Variants in SHF observed in about 807,000 individuals in gnomAD.
SHF encodes the protein SH2 domain-containing adapter protein F.
A neutral mutation model predicts 42.4 loss-of-function variants in SHF; 30 were observed. That is an observed-to-expected ratio of 0.71 (90% CI 0.53 to 0.96). SHF has a LOEUF of 0.96. Among genes scored for constraint, SHF ranks in the 40% least tolerant of loss-of-function variants. SHF has a pLI of 0.00. For missense variants in SHF, 598 were observed against 634.0 expected, an observed-to-expected ratio of 0.94 and a Z score of 0.61; for synonymous variants, 264 against 269.9, an observed-to-expected ratio of 0.98 and a Z score of 0.21.
Position 45,181,877 on chromosome 15 carries a change from G to A in SHF, c.499-3571C>T, listed in dbSNP as rs185175885. On this transcript the variant is annotated intron_variant, in intron 1 of 6. Transcript: ENST00000690270. Reference sequence around the variant, plus strand: ...ATAAATAAATAAAAAATAAAACCACGGCTGGTATTTAGGCACATTCTCTGA... The same window carrying A: ...ATAAATAAATAAAAAATAAAACCACAGCTGGTATTTAGGCACATTCTCTGA... Among the ~76,000 whole-genome samples the A allele has an allele frequency of 7.6e-4, 115 of 152,304 alleles. 2 individuals are homozygous for A. Among genetic ancestry groups the A allele is most frequent in the African/African-American group, 2.6e-3 (107 of 41,552 alleles).
chr15:45,178,534 C>CT (rs3067019), intron 1 of SHF, among the ~76,000 whole-genome samples: 62,930 of 126,582 alleles, frequency 0.5, 16,701 homozygotes, highest in Non-Finnish European at 0.57. Context: ...TTCCTTCTTT[C>CT]TTTTTTTTTT....
At chr15:45,176,760 C>A (rs1897833343) in intron 2 of SHF, among the ~76,000 whole-genome samples, 2 of 152,170 alleles carry the variant, frequency 1.3e-5, no homozygotes, top group Admixed American at 1.3e-4. Flanking sequence ...TATGGAGCTA[C>A]TCCCCCAAAA....
intron 2 of SHF, among the ~76,000 whole-genome samples, chr15:45,177,821 C>T (rs1054727004): frequency 6.6e-6 from 1 of 152,182 alleles, no homozygotes; most frequent in Non-Finnish European, 1.5e-5. Flanking sequence ...CTCCAACTGC[C>T]ATGAAGATGT....
At chr15:45,175,679 C>T (rs771020762) in intron 2 of SHF, among the ~76,000 whole-genome samples, 7 of 152,206 alleles carry the variant, frequency 4.6e-5, no homozygotes, top group Non-Finnish European at 7.3e-5. Context: ...CTGCAACAGC[C>T]AGCGAGGGCT....
chr15:45,178,575 C>T lies in SHF; in HGVS notation c.499-269G>A, dbSNP rs184409882. 4.9e-3 allele frequency among the ~76,000 whole-genome samples: 715 copies of T among 146,052 alleles called. 6 individuals carry two copies. Among genetic ancestry groups the T allele is most frequent in the African/African-American group, 0.018 (695 of 39,476 alleles). On this transcript the variant is annotated intron_variant, in intron 1 of 6. Transcript: ENST00000690270. The stretch of plus-strand genomic sequence containing the variant: ...TTTGAGACAGAGTCTCACTCTGTCA[C>T]CCAGGCTGGAGTGCAGTGGCGTGAT...
intron 6 of SHF, chr15:45,170,242 G>A (rs992746530): frequency 1.2e-5 from 9 of 720,808 alleles, no homozygotes; most frequent in African/African-American, 1.1e-4. Flanking sequence ...CTTTATTACC[G>A]GGTGGCCTTG....
At chr15:45,186,981 AGAG>A (rs1172708054) in intron 1 of SHF, among the ~76,000 whole-genome samples, 1 of 152,212 alleles carries the variant, frequency 6.6e-6, no homozygotes, top group Non-Finnish European at 1.5e-5. Context: ...AGGAGGAGGA[AGAG>A]GAGGAGGAAG....
rs1371160371 is a variant in SHF at position 45,187,830 on chromosome 15, C to G, written c.122G>C (p.Gly41Ala). ...GAGGAGAGPG[G>A]GGSGGVAKWL... ...CTTGGCTACTCCGCCGCTGCCGCCCCCTCCTGGGCCGGCTCCCGCACCCCC... is the reference window on the plus strand; with the variant it reads ...CTTGGCTACTCCGCCGCTGCCGCCCGCTCCTGGGCCGGCTCCCGCACCCCC... The change falls in exon 1 of 7, where the codon GGG (glycine) becomes GCG (alanine). Residue 41 changes from glycine to alanine, a missense_variant. Gly to Ala is a moderately conservative substitution (Grantham distance 60). Transcript: ENST00000690270. The G allele has an allele frequency of 5.3e-6, 5 of 951,412 alleles. No homozygotes were observed. Among genetic ancestry groups the G allele is most frequent in the Non-Finnish European group, 6.7e-6 (5 of 743,104 alleles). 58.9% of individuals were successfully genotyped at this position (951,412 alleles called of 1,614,324 possible).
chr15:45,179,372 G>T (rs578160869), intron 1 of SHF, among the ~76,000 whole-genome samples: 54 of 152,226 alleles, frequency 3.5e-4, no homozygotes, highest in Non-Finnish European at 6.8e-4. Context: ...GCTGGAGCCG[G>T]CTTTGGGACA....
intron 2 of SHF, among the ~76,000 whole-genome samples, chr15:45,193,414 T>C (rs1412173353): frequency 6.6e-6 from 1 of 152,142 alleles, no homozygotes. Flanking sequence ...AGACAAATGG[T>C]TGTATTCTTT....
chr15:45,187,604 G>A lies in SHF; in HGVS notation c.348C>T (p.Ser116=). The change falls in exon 1 of 7, where the codon TCC becomes TCT. Residue 116 remains serine (S), a synonymous_variant. Transcript: ENST00000690270. ...GGGCGACAGGGGTGGCGAGGGCGGC[G>A]GAGCCGGACGACCCCCCGGAGTAGG... ...EDPYSGGSSG[S]AALATPVAPG... is the part of the protein sequence containing the mutation. The A allele has an allele frequency of 4.1e-6, 5 of 1,230,318 alleles. No homozygotes were observed. Among genetic ancestry groups the A allele is most frequent in the Non-Finnish European group, 5.1e-6 (5 of 987,020 alleles). 76.2% of individuals were successfully genotyped at this position (1,230,318 alleles called of 1,614,324 possible).
In SHF at chr15:45,187,617, C is replaced by G. The variant is rs1898504652; in HGVS notation, c.335G>C (p.Gly112Ala). The G allele has an allele frequency of 8.1e-7, 1 of 1,229,892 alleles. No homozygotes were observed. The allele number at this position is 1,229,892 out of a possible 1,614,324, so 76.2% of individuals were successfully genotyped here. A position where few individuals can be genotyped will look rare whatever the true frequency, so the allele number is the denominator to read the frequency against. ...ERDFEDPYSGGSSGSAALATP... is the reference protein window; with the variant it reads ...ERDFEDPYSGASSGSAALATP... ...GGCGAGGGCGGCGGAGCCGGACGACCCCCCGGAGTAGGGGTCTTCGAAGTC... is the reference window on the plus strand; with the variant it reads ...GGCGAGGGCGGCGGAGCCGGACGACGCCCCGGAGTAGGGGTCTTCGAAGTC... The change falls in exon 1 of 7, where the codon GGG becomes GCG. Residue 112 changes from glycine to alanine, a missense_variant. By Grantham distance (60) the Gly-to-Ala change is moderately conservative (BLOSUM62 0). Coordinates refer to ENST00000690270, the MANE Select transcript of SHF (RefSeq NM_001394037.1).
chr15:45,190,032 G>C (rs1898670294), upstream of SHF, among the ~76,000 whole-genome samples: 1 of 152,134 alleles, frequency 6.6e-6, no homozygotes, highest in Non-Finnish European at 1.5e-5. Flanking sequence ...ATTTAGGACA[G>C]TGCTTCTCAA....
At chr15:45,186,553 G>C (rs189891698) in intron 1 of SHF, among the ~76,000 whole-genome samples, 1 of 152,268 alleles carries the variant, frequency 6.6e-6, no homozygotes, top group Non-Finnish European at 1.5e-5. Flanking sequence ...CACTCTGCCA[G>C]GGAGGGATAA....
At position 45,167,997 on chromosome 15, in the gene SHF, C is replaced by T; in HGVS notation, c.1417G>A (p.Gly473Arg). The T allele has an allele frequency of 2.5e-6, 4 of 1,613,502 alleles. No individual in the cohort carries two copies. The highest frequency in any genetic ancestry group is 3.4e-6 in the Non-Finnish European group (4 of 1,179,640). The change falls in exon 7 of 7, where the codon GGA (glycine) becomes AGA (arginine). Residue 473 changes from glycine to arginine, a missense_variant. This residue lies in a region of SHF where 439 missense variants were observed against 524.6 expected (regional missense o/e 0.84). Transcript: ENST00000690270. ...HYASRKLPIK[G>R]AEHMSLLYPV... The stretch of plus-strand genomic sequence containing the variant: ...TAGAGCAGGGACATGTGTTCGGCTC[C>T]CTTAATGGGTAGCTTGCGGCTGGCA...
At chr15:45,191,523 T>C (rs17614921), upstream of SHF, among the ~76,000 whole-genome samples, 2,703 of 152,294 alleles carry the variant, frequency 0.018, 40 homozygotes, top group Non-Finnish European at 0.026. Context: ...CAGTTCGCCA[T>C]AGTATCAGGA....
rs920365037 is a variant in SHF at position 45,171,737 on chromosome 15, G to A, written c.1280+146C>T. 4 of 784,266 alleles carry A rather than the reference G, an allele frequency of 5.1e-6. No homozygotes were observed. In the Admixed American group the frequency reaches 8.4e-5, roughly 16 times the overall value. The allele number at this position is 784,266 out of a possible 1,614,324, so 48.6% of individuals were successfully genotyped here. Reference sequence around the variant, plus strand: ...TCTGAGCTCCTTGAGAGCAGGGGCTGAGTCTCAGACATCTCAGGACCCCCA... The same window carrying A: ...TCTGAGCTCCTTGAGAGCAGGGGCTAAGTCTCAGACATCTCAGGACCCCCA... On this transcript the variant is annotated intron_variant, in intron 6 of 6. Coordinates refer to ENST00000690270, the MANE Select transcript of SHF (RefSeq NM_001394037.1).
upstream of SHF, chr15:45,188,017 G>T: frequency 5.7e-6 from 2 of 350,418 alleles, no homozygotes; most frequent in Non-Finnish European, 9.4e-6. Flanking sequence ...GGGTGGGGAG[G>T]GGGGCGGGGC....
chr15:45,184,582 A>T (rs774734208), intron 1 of SHF, among the ~76,000 whole-genome samples: 1 of 152,232 alleles, frequency 6.6e-6, no homozygotes, highest in Non-Finnish European at 1.5e-5. Flanking sequence ...GTATCTTGGC[A>T]TGAGGGAGGC....
Sources: gnomAD v4.1 joint callset for allele counts (sites outside exome capture counted in the v4.1 genomes callset) on GRCh38, gnomAD v4.1.1 for gene constraint, gnomAD v4.1.1 regional missense constraint, MANE v1.5 for transcripts, NCBI Gene and HGNC (gene_info 2026-07-23, HGNC 2026-07-21) for gene names.